The following ST18 variants were observed in gnomAD, a reference collection of about 807,000 sequenced individuals.
The protein encoded by ST18 is ST18 C2H2C-type zinc finger transcription factor, also known as suppression of tumorigenicity 18 protein.
Under a neutral mutation model 110.0 loss-of-function variants are expected in ST18, and 50 were observed. That is an observed-to-expected ratio of 0.45 (90% CI 0.36 to 0.58). The LOEUF (loss-of-function observed/expected upper bound fraction) is 0.58. Among genes scored for constraint, ST18 ranks in the 20% least tolerant of loss-of-function variants. The pLI is 0.00. For synonymous variants in ST18, 461 were observed against 452.4 expected, an observed-to-expected ratio of 1.02 and a Z score of -0.24; for missense variants, 1,306 against 1,280.1, an observed-to-expected ratio of 1.02 and a Z score of -0.31.
intron 8 of ST18, among the ~76,000 whole-genome samples, chr8:52,190,894 G>A (rs373535212): frequency 1.1e-4 from 17 of 152,162 alleles, no homozygotes; most frequent in African/African-American, 4.1e-4. Context: ...ACACCATATC[G>A]GTGAAGTGCT....
intron 2 of ST18, among the ~76,000 whole-genome samples, chr8:52,339,867 C>G (rs552220034): frequency 6.6e-6 from 1 of 152,352 alleles, no homozygotes; most frequent in South Asian, 2.1e-4. Context: ...CTCTTCTCTT[C>G]CCACGCCTAT....
At chr8:52,129,325 G>A (rs1227859865) in intron 22 of ST18, among the ~76,000 whole-genome samples, 2 of 151,428 alleles carry the variant, frequency 1.3e-5, no homozygotes, top group African/African-American at 4.9e-5. Flanking sequence ...AAATTAGCTG[G>A]GTATAGTGGT....
At chr8:52,265,256 A>G (rs2094830029) in intron 2 of ST18, among the ~76,000 whole-genome samples, 1 of 152,222 alleles carries the variant, frequency 6.6e-6, no homozygotes, top group South Asian at 2.1e-4. Context: ...CTCCAGTGCA[A>G]CAGGTGAACA....
At chr8:52,120,496 T>G (rs1397911358) in intron 23 of ST18, among the ~76,000 whole-genome samples, 1 of 152,074 alleles carries the variant, frequency 6.6e-6, no homozygotes, top group African/African-American at 2.4e-5. Flanking sequence ...TTCAAGACTT[T>G]CAAGATCAGA....
chr8:52,268,464 CTATCATCT>C (rs1181781981), intron 2 of ST18, among the ~76,000 whole-genome samples: 5 of 143,646 alleles, frequency 3.5e-5, no homozygotes, highest in South Asian at 4.6e-4. Context: ...GTCTATCTAT[CTATCATCT>C]ATCTATCTAT....
intron 2 of ST18, among the ~76,000 whole-genome samples, chr8:52,255,220 TC>T (rs2094487628): frequency 1.3e-5 from 2 of 152,166 alleles, no homozygotes; most frequent in African/African-American, 2.4e-5. Flanking sequence ...TGACTGGCTG[TC>T]GGGATTGGAC....
At chr8:52,264,890 A>G (rs1315823218) in intron 2 of ST18, among the ~76,000 whole-genome samples, 2 of 152,168 alleles carry the variant, frequency 1.3e-5, no homozygotes, top group Non-Finnish European at 2.9e-5. Flanking sequence ...TTTGTCTGTA[A>G]TTGTTTGTTT....
At position 52,131,987 on chromosome 8, in the gene ST18, A is replaced by G. The variant is rs2049821842; in HGVS notation, c.2637T>C (p.His879=). ...GGTGGGTGACAAAAACATTATTTAC[A>G]TGGCCCAGCCCATTGCAGCCTGGCA... ...CPLPGCNGLG[H]VNNVFVTHRS... Residue 879 remains histidine, a synonymous_variant, in exon 22 of 26, where the codon CAT becomes CAC. Coordinates refer to ENST00000689386, the MANE Select transcript of ST18 (RefSeq NM_001352837.2). 3.7e-6 allele frequency: 6 copies of G among 1,614,174 alleles called. No individual in the cohort carries two copies. The highest frequency in any genetic ancestry group is 5.1e-6 in the Non-Finnish European group (6 of 1,180,028).
At chr8:52,300,886 T>A (rs1000217512) in intron 2 of ST18, among the ~76,000 whole-genome samples, 1 of 152,158 alleles carries the variant, frequency 6.6e-6, no homozygotes, top group Non-Finnish European at 1.5e-5. Flanking sequence ...CAGAATGAGA[T>A]GTGAGAGACA....
intron 23 of ST18, among the ~76,000 whole-genome samples, chr8:52,124,651 C>A (rs1344396203): frequency 3.3e-5 from 5 of 152,148 alleles, no homozygotes; most frequent in Non-Finnish European, 5.9e-5. Flanking sequence ...GCAGTCAGAA[C>A]ATCTAGTGAA....
intron 9 of ST18, among the ~76,000 whole-genome samples, chr8:52,175,015 C>T (rs2066349347): frequency 6.6e-6 from 1 of 152,162 alleles, no homozygotes; most frequent in Admixed American, 6.5e-5. Context: ...GCCTCTGCCA[C>T]TGAACTGACC....
At chr8:52,296,407 G>T (rs1216833322) in intron 2 of ST18, 3 of 152,128 alleles carry the variant, frequency 2.0e-5, no homozygotes, top group Admixed American at 6.5e-5. Context: ...CTAGACGGGG[G>T]GAACTCCCCT....
intron 2 of ST18, among the ~76,000 whole-genome samples, chr8:52,238,988 T>G (rs1564253620): frequency 6.6e-6 from 1 of 152,098 alleles, no homozygotes; most frequent in Non-Finnish European, 1.5e-5. Flanking sequence ...AAACTGCACT[T>G]GTACCCCCTA....
chr8:52,132,925 G>C (rs1198051756), intron 21 of ST18, 132 bp downstream of exon 21: 6 of 988,268 alleles, frequency 6.1e-6, no homozygotes, highest in Non-Finnish European at 9.1e-6. Context: ...CAAATAGTTT[G>C]ACTCTTGCTT....
In ST18 at chr8:52,216,394, A is replaced by G. The variant is rs115723005; in HGVS notation, c.-1+1352T>C. ...CTATTGTCTCTTGTTGGTATAGGAT[A>G]TAGATATCCTATACAAACATATTTA... On this transcript the variant is annotated intron_variant, in intron 6 of 25. Transcript: ENST00000689386. Among the ~76,000 whole-genome samples, 144 of 152,310 alleles carry G rather than the reference A, an allele frequency of 9.5e-4. 1 individual carries two copies. The highest frequency in any genetic ancestry group is 3.3e-3 in the African/African-American group (137 of 41,552).
intron 2 of ST18, among the ~76,000 whole-genome samples, chr8:52,358,456 T>C (rs1335750324): frequency 6.6e-6 from 1 of 151,804 alleles, no homozygotes. Flanking sequence ...TTTAGCTAGA[T>C]TGACAAATAA....
At chr8:52,225,338 GA>G (rs958037058) in intron 3 of ST18, among the ~76,000 whole-genome samples, 4 of 151,896 alleles carry the variant, frequency 2.6e-5, no homozygotes, top group South Asian at 2.1e-4. Flanking sequence ...CACCTTGTGG[GA>G]AAAAAAAGTT....
At chr8:52,260,807 G>A (rs756746146) in intron 2 of ST18, among the ~76,000 whole-genome samples, 5 of 152,052 alleles carry the variant, frequency 3.3e-5, no homozygotes, top group East Asian at 1.9e-4. Context: ...TAATGATTCC[G>A]CTTAGAAAAA....
intron 2 of ST18, among the ~76,000 whole-genome samples, chr8:52,321,601 G>A (rs772950720): frequency 3.3e-5 from 5 of 152,146 alleles, no homozygotes; most frequent in Non-Finnish European, 7.3e-5. Context: ...AGAACAGCCC[G>A]TTGCCTCCTG....
Sources: allele counts gnomAD v4.1 joint callset (sites outside exome capture counted in the v4.1 genomes callset), GRCh38; gene constraint gnomAD v4.1.1; transcripts MANE v1.5; gene names NCBI Gene and HGNC (gene_info 2026-07-23, HGNC 2026-07-21).